The following PTPRM variants were observed in gnomAD, a reference collection of about 807,000 sequenced individuals.
PTPRM encodes the protein protein tyrosine phosphatase receptor type M, also known as receptor-type tyrosine-protein phosphatase mu.
In PTPRM, 47 loss-of-function variants were observed where a neutral mutation model predicts 186.7. The ratio of observed to expected loss-of-function variants is 0.25; its 90% CI spans 0.20 to 0.32. The LOEUF (loss-of-function observed/expected upper bound fraction) is 0.32, where lower values mean the gene tolerates loss of function less well. Among genes scored for constraint, PTPRM ranks in the 10% least tolerant of loss-of-function variants. The pLI is 1.00. For synonymous variants in PTPRM, 668 were observed against 674.9 expected, an observed-to-expected ratio of 0.99 and a Z score of 0.16; for missense variants, 1,494 against 1,865.0, an observed-to-expected ratio of 0.80 and a Z score of 3.66.
intron 7 of PTPRM, among the ~76,000 whole-genome samples, chr18:8,030,201 T>G (rs2148050483): frequency 6.6e-6 from 1 of 152,356 alleles, no homozygotes; most frequent in South Asian, 2.1e-4. Flanking sequence ...CCATGTAGAT[T>G]ACATTCATGC....
rs1162213312 is a variant in PTPRM at position 8,378,261 on chromosome 18, C to G, written c.3463-4C>G. The G allele has an allele frequency of 6.2e-7, 1 of 1,608,370 alleles. No homozygotes were observed. The highest frequency in any genetic ancestry group is 1.7e-5 in the Admixed American group (1 of 59,866). On this transcript the variant is annotated splice_region_variant and splice_polypyrimidine_tract_variant and intron_variant, in intron 26 of 32. Coordinates refer to ENST00000580170, the MANE Select transcript of PTPRM (RefSeq NM_001105244.2). ...TTAGTAACTCGTTCCATCTCCTTCTCCAGGAGCAGTATGTGTTTATCCACG... is the reference window on the plus strand; with the variant it reads ...TTAGTAACTCGTTCCATCTCCTTCTGCAGGAGCAGTATGTGTTTATCCACG...
chr18:8,116,978 A>G (rs2091981376), intron 13 of PTPRM, among the ~76,000 whole-genome samples: 1 of 152,236 alleles, frequency 6.6e-6, no homozygotes, highest in African/African-American at 2.4e-5. Context: ...GTTTCATAAA[A>G]TCACAGCACA....
At position 7,984,866 on chromosome 18, in the gene PTPRM, A is replaced by AGT. The variant is rs1434799302; in HGVS notation, c.1132+29452_1132+29453insGT. 5.0e-3 allele frequency among the ~76,000 whole-genome samples: 663 copies of AGT among 133,384 alleles called. 6 individuals carry two copies. Among genetic ancestry groups the AGT allele is most frequent in the South Asian group, 0.014 (63 of 4,526 alleles). 87.5% of individuals were successfully genotyped at this position (133,384 alleles called of 152,430 possible). A position where few individuals can be genotyped will look rare whatever the true frequency, so the allele number is the denominator to read the frequency against. On this transcript the variant is annotated intron_variant, in intron 7 of 32. Transcript: ENST00000580170. Reference sequence around the variant, plus strand: ...ATATAAAATTATATACACATATATAAATATATACATATAATTATATATACA... The same window carrying AGT: ...ATATAAAATTATATACACATATATAAGTATATATACATATAATTATATATACA...
intron 11 of PTPRM, among the ~76,000 whole-genome samples, chr18:8,106,555 T>C (rs1042627081): frequency 2.0e-5 from 3 of 152,188 alleles, no homozygotes; most frequent in Non-Finnish European, 4.4e-5. Flanking sequence ...TAGTTCTTCA[T>C]TGGTGTGATG....
intron 13 of PTPRM, among the ~76,000 whole-genome samples, chr18:8,115,979 C>G (rs1050802391): frequency 2.6e-5 from 4 of 152,284 alleles, no homozygotes; most frequent in Non-Finnish European, 5.9e-5. Context: ...ATCCAAAAAT[C>G]TATTTATACT....
intron 14 of PTPRM, among the ~76,000 whole-genome samples, chr18:8,236,685 G>A (rs1443878456): frequency 6.6e-6 from 1 of 151,982 alleles, no homozygotes; most frequent in East Asian, 1.9e-4. Flanking sequence ...GTGACTATGG[G>A]TGTGTGCCAC....
At chr18:8,081,143 A>G (rs1309546420) in intron 9 of PTPRM, among the ~76,000 whole-genome samples, 1 of 152,146 alleles carries the variant, frequency 6.6e-6, no homozygotes, top group Non-Finnish European at 1.5e-5. Flanking sequence ...CAAGTCAAAG[A>G]TTGCATGTTA....
chr18:8,323,787 C>T lies in PTPRM; in HGVS notation c.2956+4573C>T, dbSNP rs754210454. ...ACAGGGAGACGCTTGTGCCCCCAACCATGTTTTCCATAGGACCGCCCAGCC... is the reference window on the plus strand; with the variant it reads ...ACAGGGAGACGCTTGTGCCCCCAACTATGTTTTCCATAGGACCGCCCAGCC... On this transcript the variant is annotated intron_variant, in intron 22 of 32. Transcript: ENST00000580170. Among the ~76,000 whole-genome samples, 11 of 152,250 alleles carry T rather than the reference C, an allele frequency of 7.2e-5. No homozygotes were observed. In the East Asian group the frequency reaches 2.1e-3, roughly 29 times the overall value.
intron 14 of PTPRM, among the ~76,000 whole-genome samples, chr18:8,188,524 A>T (rs1246731411): frequency 2.0e-5 from 3 of 152,214 alleles, no homozygotes; most frequent in African/African-American, 4.8e-5. Context: ...CACCGTGACG[A>T]AACGCACATA....
chr18:8,135,412 GGTTTTTTCTCCAT>G (rs2092615263), intron 13 of PTPRM, among the ~76,000 whole-genome samples: 1 of 152,062 alleles, frequency 6.6e-6, no homozygotes, highest in Non-Finnish European at 1.5e-5. Context: ...TTCTAGAGTT[GGTTTTTTCTCCAT>G]GTTGTGTAGG....
At chr18:7,942,818 A>G (rs1161796089) in intron 5 of PTPRM, among the ~76,000 whole-genome samples, 4 of 151,936 alleles carry the variant, frequency 2.6e-5, no homozygotes, top group Non-Finnish European at 4.4e-5. Context: ...TCTCCTCCCC[A>G]CCCAGTACTT....
intron 23 of PTPRM, among the ~76,000 whole-genome samples, chr18:8,369,074 T>G (rs2095649045): frequency 6.6e-6 from 1 of 151,990 alleles, no homozygotes. Context: ...AAGAAATGGA[T>G]GGGAGGAGAA....
chr18:8,087,868 T>C (rs192796832), intron 10 of PTPRM, among the ~76,000 whole-genome samples: 2 of 152,232 alleles, frequency 1.3e-5, no homozygotes, highest in East Asian at 3.9e-4. Context: ...GCTGTGAAAA[T>C]ATGGTATGCC....
chr18:8,244,197 C>G lies in PTPRM; in HGVS notation c.2440C>G (p.Leu814Val), dbSNP rs147131807. The G allele has an allele frequency of 4.7e-5, 74 of 1,569,492 alleles. 1 individual carries two copies. The Middle Eastern group carries it at 2.9e-3, about 61-fold the overall frequency. The change falls in exon 15 of 33, where the codon CTG (leucine) becomes GTG (valine). Residue 814 changes from leucine (L) to valine (V), a missense_variant. Physicochemically the swap from Leu to Val is conservative, Grantham distance 32. Coordinates refer to ENST00000580170, the MANE Select transcript of PTPRM (RefSeq NM_001105244.2). ...EAFSFMDTHN[L>V]NGRSVSSPSS... ...TTTCTCATTCATGGACACGCACAAT[C>G]TGAATGGGAGATGTAAGTGCATATG...
intron 1 of PTPRM, among the ~76,000 whole-genome samples, chr18:7,652,647 G>A (rs184408747): frequency 0.067 from 10,058 of 150,370 alleles, 453 homozygotes; most frequent in East Asian, 0.18. Context: ...GTAAACTATC[G>A]CAAGAACAAA....
chr18:8,089,345 A>C (rs954401772), intron 11 of PTPRM, among the ~76,000 whole-genome samples: 1 of 152,344 alleles, frequency 6.6e-6, no homozygotes, highest in East Asian at 1.9e-4. Flanking sequence ...GAACATTGTG[A>C]AGTCTTTATC....
intron 19 of PTPRM, among the ~76,000 whole-genome samples, chr18:8,268,178 C>A (rs750895392): frequency 6.6e-6 from 1 of 152,140 alleles, no homozygotes; most frequent in Admixed American, 6.5e-5. Context: ...GGAGAATTGT[C>A]TTCTTGGCAG....
At chr18:8,350,896 C>A (rs2095530847) in intron 23 of PTPRM, among the ~76,000 whole-genome samples, 1 of 148,860 alleles carries the variant, frequency 6.7e-6, no homozygotes, top group Non-Finnish European at 1.5e-5. Flanking sequence ...CCAGGAAAAC[C>A]CCTGCCAGTT....
chr18:8,389,000 A>G (rs962560472), intron 31 of PTPRM, among the ~76,000 whole-genome samples: 4 of 152,272 alleles, frequency 2.6e-5, no homozygotes, highest in African/African-American at 9.6e-5. Context: ...GAAAATGACA[A>G]AAAGAATTCA....
Sources: gnomAD v4.1 joint callset for allele counts (sites outside exome capture counted in the v4.1 genomes callset) on GRCh38, gnomAD v4.1.1 for gene constraint, MANE v1.5 for transcripts, NCBI Gene and HGNC (gene_info 2026-07-23, HGNC 2026-07-21) for gene names.